DNASE1L1: variants seen among roughly 807,000 people sequenced by gnomAD.
The protein encoded by DNASE1L1 is deoxyribonuclease 1 like 1, also known as deoxyribonuclease-1-like 1.
In DNASE1L1, 8 loss-of-function variants were observed where a neutral mutation model predicts 18.6. That is an observed-to-expected ratio of 0.43 (90% CI 0.25 to 0.78). DNASE1L1 has a LOEUF of 0.78. Ranked by LOEUF, DNASE1L1 falls within the 30% of genes least tolerant of loss-of-function variation. The pLI, the probability that DNASE1L1 is intolerant of heterozygous loss-of-function variation, is 0.23. For synonymous variants in DNASE1L1, 114 were observed against 114.2 expected (o/e 1.00, Z 0.01); for missense variants, 214 against 258.2 (o/e 0.83, Z 1.17).
At chrX:154,411,471 C>T (rs1163312052), upstream of DNASE1L1, 11 of 212,470 alleles carry the variant, frequency 5.2e-5, no homozygotes, top group Non-Finnish European at 8.6e-5. Context: ...CGGGGCTGGC[C>T]TCGCTGCCGT....
At chrX:154,408,771 G>T in intron 1 of DNASE1L1, 1 of 121,870 alleles carries the variant, frequency 8.2e-6, no homozygotes, top group Non-Finnish European at 1.7e-5. Context: ...CTGTTGCGGT[G>T]TCTCTCTCCT....
intron 6 of DNASE1L1, 27 bp downstream of exon 6, chrX:154,403,242 C>A: frequency 8.3e-7 from 1 of 1,208,106 alleles, no homozygotes; most frequent in Non-Finnish European, 1.1e-6. Context: ...TATCCTTGTC[C>A]CTCCTGTACA....
Position 154,402,151 on chromosome X carries a change from C to T in DNASE1L1, c.*556G>A, listed in dbSNP as rs1431860911. ...AGGAGGTGCGAGTGTGGCTGCTCAGCGGTTATAACAGGCCTGACTGCATTG... is the reference window on the plus strand; with the variant it reads ...AGGAGGTGCGAGTGTGGCTGCTCAGTGGTTATAACAGGCCTGACTGCATTG... On this transcript the variant is annotated 3_prime_UTR_variant, in exon 8 of 8. Coordinates refer to ENST00000369807, the MANE Select transcript of DNASE1L1 (RefSeq NM_001303620.2). The T allele has an allele frequency of 1.7e-5, 2 of 116,508 alleles. No homozygotes were observed. Among genetic ancestry groups the T allele is most frequent in the African/African-American group, 6.5e-5 (2 of 30,983 alleles). 9.6% of individuals were successfully genotyped at this position (116,508 alleles called of 1,213,427 possible). A position where few individuals can be genotyped will look rare whatever the true frequency, so the allele number is the denominator to read the frequency against.
Position 154,401,678 on chromosome X carries a change from G to A in DNASE1L1, c.*1029C>T, listed in dbSNP as rs962243423. On this transcript the variant is annotated 3_prime_UTR_variant, in exon 8 of 8. Coordinates refer to ENST00000369807, the MANE Select transcript of DNASE1L1 (RefSeq NM_001303620.2). ...TCCAAAGGCTTTTGGTCCCAGAGCTGGGGTATGTTGGCCCCAGCCCCCAGC... is the reference window on the plus strand; with the variant it reads ...TCCAAAGGCTTTTGGTCCCAGAGCTAGGGTATGTTGGCCCCAGCCCCCAGC... 1.2e-4 allele frequency: 13 copies of A among 112,113 alleles called. No individual in the cohort carries two copies. The highest frequency in any genetic ancestry group is 4.2e-4 in the African/African-American group (13 of 30,824). 9.2% of individuals were successfully genotyped at this position (112,113 alleles called of 1,213,427 possible). A position where few individuals can be genotyped will look rare whatever the true frequency, so the allele number is the denominator to read the frequency against.
At chrX:154,404,411 G>C (rs1280874348) in intron 4 of DNASE1L1, among the ~76,000 whole-genome samples, 1 of 111,328 alleles carries the variant, frequency 9.0e-6, no homozygotes, top group Non-Finnish European at 1.9e-5. Context: ...TTGCCCTCTG[G>C]ATCCTGACTC....
chrX:154,410,857 G>A (rs1450245430), upstream of DNASE1L1, among the ~76,000 whole-genome samples: 2 of 110,762 alleles, frequency 1.8e-5, no homozygotes, highest in African/African-American at 3.3e-5. Flanking sequence ...CCAGTCTGGC[G>A]ACAGAGCGAG....
chrX:154,405,274 G>A (rs2068127016), intron 2 of DNASE1L1, among the ~76,000 whole-genome samples, 160 bp downstream of exon 2: 1 of 113,032 alleles, frequency 8.8e-6, no homozygotes, highest in South Asian at 3.6e-4. Flanking sequence ...TTTCACAGAG[G>A]AGGAGACTGA....
chrX:154,411,744 A>C, upstream of DNASE1L1: 1 of 811,852 alleles, frequency 1.2e-6, no homozygotes, highest in Non-Finnish European at 1.8e-6. Context: ...TGCGCGGGCC[A>C]GTCAGGGGCC....
chrX:154,411,580 C>T (rs4898488), upstream of DNASE1L1: 49 of 413,448 alleles, frequency 1.2e-4, no homozygotes, highest in Non-Finnish European at 9.6e-5. Flanking sequence ...CAGCGCCCGC[C>T]TTCCCGTTTC....
In DNASE1L1 at chrX:154,402,586, G is replaced by A. The variant is rs782585036; in HGVS notation, c.*121C>T. The A allele has an allele frequency of 2.8e-6, 2 of 703,781 alleles. No individual in the cohort carries two copies. Among genetic ancestry groups the A allele is most frequent in the East Asian group, 7.1e-5 (2 of 28,320 alleles). The allele number at this position is 703,781 out of a possible 1,213,427, so 58.0% of individuals were successfully genotyped here. A position where few individuals can be genotyped will look rare whatever the true frequency, so the allele number is the denominator to read the frequency against. On this transcript the variant is annotated 3_prime_UTR_variant, in exon 8 of 8. Coordinates refer to ENST00000369807, the MANE Select transcript of DNASE1L1 (RefSeq NM_001303620.2). ...GAGCCAAATCAAACAAGGCAGGCAG[G>A]GGTGGACTACAGTCACAGGGCAACT... is the stretch of plus-strand genomic sequence containing the variant.
intron 1 of DNASE1L1, among the ~76,000 whole-genome samples, chrX:154,407,363 G>A (rs868978328): frequency 3.6e-4 from 36 of 100,773 alleles, no homozygotes; most frequent in Non-Finnish European, 6.6e-4. Flanking sequence ...TCAGCCTCCC[G>A]AGTAGCTGGG....
Position 154,402,679 on chromosome X carries a change from A to G in DNASE1L1, c.*28T>C, listed in dbSNP as rs782526750. On this transcript the variant is annotated 3_prime_UTR_variant, in exon 8 of 8. Transcript: ENST00000369807. ...GGCTGGGGTTTAAGTCCCAAAAGGC[A>G]GCAGGCCCTGGGGGGGTAGGGGGAC... 19 of 1,187,798 alleles carry G rather than the reference A, an allele frequency of 1.6e-5. No individual in the cohort carries two copies. The highest frequency in any genetic ancestry group is 2.0e-5 in the Non-Finnish European group (18 of 882,238).
At chrX:154,409,267 C>T (rs1364079808), upstream of DNASE1L1, 8 of 247,269 alleles carry the variant, frequency 3.2e-5, no homozygotes, top group Admixed American at 3.6e-4. Context: ...CTGGCTGGGC[C>T]GGACGCCCCA....
Position 154,405,145 on chromosome X carries a change from G to A in DNASE1L1, c.136-62C>T, listed in dbSNP as rs914329114. 45 of 1,086,349 alleles carry A rather than the reference G, an allele frequency of 4.1e-5. No homozygotes were observed. In the African/African-American group the frequency reaches 6.2e-4, roughly 15 times the overall value. The allele number at this position is 1,086,349 out of a possible 1,213,427, so 89.5% of individuals were successfully genotyped here. A position where few individuals can be genotyped will look rare whatever the true frequency, so the allele number is the denominator to read the frequency against. ...CAACTGCCCTGAGAGGAGGCAGTGG[G>A]CCCAGGGGACTGGCACTGTTGTGGC... is the stretch of plus-strand genomic sequence containing the variant. On this transcript the variant is annotated intron_variant, in intron 2 of 7. Transcript: ENST00000369807.
In DNASE1L1 at chrX:154,403,603, G is replaced by A. The variant is rs781831844; in HGVS notation, c.331C>T (p.Leu111=). ...TCATCGTTGTACACGTAGGAACTCA[G>A]GACCTGTGTTTTGTGTGACCTGGGA... ...YFYRSHKTQV[L]SSYVYNDEDD... Residue 111 remains leucine (L), a synonymous_variant, in exon 5 of 8, where the codon CTG becomes TTG. Transcript: ENST00000369807. The A allele has an allele frequency of 1.2e-5, 15 of 1,211,720 alleles. No homozygotes were observed. In the South Asian group the frequency reaches 2.1e-4, roughly 17 times the overall value.
upstream of DNASE1L1, among the ~76,000 whole-genome samples, chrX:154,411,343 G>A (rs781818722): frequency 8.9e-6 from 1 of 112,319 alleles, no homozygotes; most frequent in East Asian, 2.8e-4. Context: ...ACTCCAGCCT[G>A]GGTCTGGCTG....
intron 4 of DNASE1L1, 196 bp from the exon 5 acceptor site, chrX:154,403,818 C>G: frequency 2.3e-6 from 1 of 429,684 alleles, no homozygotes; most frequent in East Asian, 3.8e-5. Context: ...GTATACAACA[C>G]GGTTCTTTTG....
chrX:154,410,518 A>C (rs1184151660), upstream of DNASE1L1, among the ~76,000 whole-genome samples: 1 of 110,727 alleles, frequency 9.0e-6, no homozygotes, highest in East Asian at 2.8e-4. Context: ...TCGTCACTGC[A>C]CTCCAGCCTG....
chrX:154,408,123 G>A (rs1038461085), intron 1 of DNASE1L1, among the ~76,000 whole-genome samples: 1 of 109,513 alleles, frequency 9.1e-6, no homozygotes, highest in Non-Finnish European at 1.9e-5. Context: ...AGTAGAGACA[G>A]GGTTTCACCA....
Sources: gnomAD v4.1 joint callset for allele counts (sites outside exome capture counted in the v4.1 genomes callset) on GRCh38, gnomAD v4.1.1 for gene constraint, MANE v1.5 for transcripts, NCBI Gene and HGNC (gene_info 2026-07-23, HGNC 2026-07-21) for gene names.